The following SAMMSON variants were observed in gnomAD, a reference collection of about 807,000 sequenced individuals.
The protein encoded by SAMMSON is long intergenic non-protein coding RNA 1212.
chr3:70,427,440 C>T (rs372465119), intron 2 of SAMMSON, among the ~76,000 whole-genome samples: 6 of 152,144 alleles, frequency 3.9e-5, no homozygotes, highest in Non-Finnish European at 1.5e-5. Context: ...AGGTGATCCT[C>T]TTAAAAATGT....
intron 7 of SAMMSON, among the ~76,000 whole-genome samples, chr3:70,317,212 A>C (rs1203701134): frequency 6.6e-6 from 1 of 152,022 alleles, no homozygotes; most frequent in East Asian, 1.9e-4. Context: ...ATATATACAC[A>C]GGCTTACAGG....
At chr3:70,383,829 A>G (rs569068469) in intron 9 of SAMMSON, among the ~76,000 whole-genome samples, 3 of 152,052 alleles carry the variant, frequency 2.0e-5, no homozygotes, top group Non-Finnish European at 4.4e-5. Context: ...ACTTTGCTAC[A>G]AGTTACAACG....
At chr3:70,089,895 T>C (rs2067299350) in intron 4 of SAMMSON, among the ~76,000 whole-genome samples, 1 of 152,114 alleles carries the variant, frequency 6.6e-6, no homozygotes, top group East Asian at 1.9e-4. Flanking sequence ...CTTTGATGGA[T>C]TAAATGCTCC....
At chr3:70,234,987 T>C (rs1701593908) in intron 4 of SAMMSON, among the ~76,000 whole-genome samples, 1 of 152,182 alleles carries the variant, frequency 6.6e-6, no homozygotes, top group Non-Finnish European at 1.5e-5. Context: ...TTAGCAACTG[T>C]GAAGATGATT....
At chr3:70,273,761 A>G (rs929915087) in intron 6 of SAMMSON, among the ~76,000 whole-genome samples, 2 of 152,218 alleles carry the variant, frequency 1.3e-5, no homozygotes, top group Non-Finnish European at 2.9e-5. Flanking sequence ...TTTGTTTAGC[A>G]GTCAAATGTA....
intron 2 of SAMMSON, among the ~76,000 whole-genome samples, chr3:70,413,194 A>C (rs1384830499): frequency 6.6e-6 from 1 of 152,114 alleles, no homozygotes; most frequent in Non-Finnish European, 1.5e-5. Context: ...AGGTACTATA[A>C]TTTGAGATAC....
At chr3:70,400,281 T>C (rs1233634083) in intron 2 of SAMMSON, among the ~76,000 whole-genome samples, 2 of 152,104 alleles carry the variant, frequency 1.3e-5, no homozygotes, top group African/African-American at 2.4e-5. Context: ...TATTAGAAGA[T>C]GGGGCCTAGT....
intron 9 of SAMMSON, among the ~76,000 whole-genome samples, chr3:70,377,075 T>C (rs1703023580): frequency 6.6e-6 from 1 of 152,106 alleles, no homozygotes; most frequent in Non-Finnish European, 1.5e-5. Flanking sequence ...CTCAAAACAA[T>C]AGAAATAAAC....
intron 6 of SAMMSON, among the ~76,000 whole-genome samples, chr3:70,266,729 A>G (rs748762439): frequency 5.9e-5 from 9 of 152,162 alleles, no homozygotes; most frequent in Non-Finnish European, 1.2e-4. Flanking sequence ...TAGAGATGTG[A>G]GCCACTGCAC....
intron 4 of SAMMSON, among the ~76,000 whole-genome samples, chr3:70,170,240 C>T (rs537566706): frequency 6.6e-6 from 1 of 151,628 alleles, no homozygotes; most frequent in East Asian, 1.9e-4. Flanking sequence ...ATATTTTGTG[C>T]AGATGTAGGA....
intron 7 of SAMMSON, among the ~76,000 whole-genome samples, chr3:70,304,029 A>G (rs1388103201): frequency 1.3e-5 from 2 of 152,144 alleles, no homozygotes; most frequent in Admixed American, 6.6e-5. Context: ...AGTTTACTAC[A>G]ATATAAACTA....
chr3:70,026,186 T>C (rs1246993815), intron 3 of SAMMSON, among the ~76,000 whole-genome samples: 1 of 152,198 alleles, frequency 6.6e-6, no homozygotes, highest in African/African-American at 2.4e-5. Flanking sequence ...AATAATGTCA[T>C]TGGAAGATGA....
intron 4 of SAMMSON, among the ~76,000 whole-genome samples, chr3:70,089,907 A>G (rs2067299364): frequency 6.6e-6 from 1 of 152,140 alleles, no homozygotes; most frequent in Non-Finnish European, 1.5e-5. Flanking sequence ...AAATGCTCCT[A>G]TTAAGCAGAT....
At chr3:70,035,230 C>T (rs1201993070) in intron 3 of SAMMSON, among the ~76,000 whole-genome samples, 1 of 152,128 alleles carries the variant, frequency 6.6e-6, no homozygotes, top group African/African-American at 2.4e-5. Context: ...AGCCCTATTC[C>T]TTAGGGCTGT....
rs571884812 is a variant in SAMMSON at position 70,237,301 on chromosome 3, C to T, written n.508-11806C>T. On this transcript the variant is annotated intron_variant and non_coding_transcript_variant, in intron 4 of 9. Transcript: ENST00000642114. ...CAGTGCGGATACACCACAATATAGA[C>T]AGACCTCTATTAATGAATGCTTAAA... Among the ~76,000 whole-genome samples, 4 of 152,312 alleles carry T rather than the reference C, an allele frequency of 2.6e-5. No homozygotes were observed. In the East Asian group the frequency reaches 5.8e-4, roughly 22 times the overall value.
At chr3:70,187,650 A>T (rs1323154768) in intron 4 of SAMMSON, among the ~76,000 whole-genome samples, 1 of 151,276 alleles carries the variant, frequency 6.6e-6, no homozygotes, top group Non-Finnish European at 1.5e-5. Flanking sequence ...GTTAGCCAGG[A>T]TGGTCTCGAT....
intron 9 of SAMMSON, among the ~76,000 whole-genome samples, chr3:70,373,287 T>A (rs1011299554): frequency 1.1e-4 from 17 of 152,286 alleles, no homozygotes; most frequent in Admixed American, 3.3e-4. Flanking sequence ...CTTCTTCCAG[T>A]TGTAGAAAAT....
chr3:70,190,134 G>T (rs1701120395), intron 4 of SAMMSON, among the ~76,000 whole-genome samples: 1 of 152,084 alleles, frequency 6.6e-6, no homozygotes, highest in Non-Finnish European at 1.5e-5. Flanking sequence ...ATGGCTTCAT[G>T]ACTCATATAT....
intron 3 of SAMMSON, among the ~76,000 whole-genome samples, chr3:70,015,913 G>A (rs7372423): frequency 0.78 from 118,098 of 152,088 alleles, 47,324 homozygotes; most frequent in East Asian, 1. Context: ...TTATGGCTGC[G>A]TAGTATTCCA....
Sources: gnomAD v4.1 joint callset for allele counts (sites outside exome capture counted in the v4.1 genomes callset) on GRCh38, gnomAD v4.1.1 for gene constraint, MANE v1.5 for transcripts, NCBI Gene and HGNC (gene_info 2026-07-23, HGNC 2026-07-21) for gene names.